SUGCT: variants seen among roughly 807,000 people sequenced by gnomAD.
SUGCT encodes the protein succinyl-CoA:glutarate CoA-transferase.
SUGCT carries 41 observed loss-of-function variants against 55.0 expected under a neutral mutation model. That is an observed-to-expected ratio of 0.74 (90% confidence interval 0.58 to 0.97). The LOEUF is 0.97. SUGCT is among the 50% of genes least tolerant of loss of function. The pLI, the probability that SUGCT is intolerant of heterozygous loss-of-function variation, is 0.00. For synonymous variants in SUGCT, 187 were observed against 200.4 expected, an observed-to-expected ratio of 0.93 and a Z score of 0.56; for missense variants, 568 against 547.8, an observed-to-expected ratio of 1.04 and a Z score of -0.37.
the SUGCT span, among the ~76,000 whole-genome samples, chr7:40,919,844 C>T: frequency 2.0e-5 from 3 of 152,174 alleles, no homozygotes; most frequent in African/African-American, 7.2e-5. Context: ...ACAGCCAGGC[C>T]TTTCACAGCC....
chr7:40,324,314 G>C (rs1020348899), intron 9 of SUGCT, among the ~76,000 whole-genome samples: 1 of 148,726 alleles, frequency 6.7e-6, no homozygotes, highest in African/African-American at 2.5e-5. Context: ...GGAGTGCAGT[G>C]GCGCAATCTC....
chr7:40,963,981 C>T, the SUGCT span, among the ~76,000 whole-genome samples: 1 of 152,158 alleles, frequency 6.6e-6, no homozygotes, highest in South Asian at 2.1e-4. Context: ...GTTTTTCCTT[C>T]ACATTAACCC....
At chr7:40,225,423 G>C (rs558736307) in intron 6 of SUGCT, among the ~76,000 whole-genome samples, 1 of 150,628 alleles carries the variant, frequency 6.6e-6, no homozygotes, top group South Asian at 2.1e-4. Context: ...TTTGGTCTTT[G>C]AATAATATAT....
intron 1 of SUGCT, among the ~76,000 whole-genome samples, chr7:40,154,430 C>T (rs1220274527): frequency 6.6e-6 from 1 of 152,050 alleles, no homozygotes. Context: ...TTTAAAGATG[C>T]CTAGTGAAAA....
At chr7:40,427,156 A>G (rs1787628655) in intron 9 of SUGCT, among the ~76,000 whole-genome samples, 1 of 152,150 alleles carries the variant, frequency 6.6e-6, no homozygotes, top group Non-Finnish European at 1.5e-5. Context: ...ATGTCCAGGA[A>G]TTTTGAGCAG....
At chr7:40,399,779 A>C (rs1324882450) in intron 9 of SUGCT, among the ~76,000 whole-genome samples, 1 of 152,154 alleles carries the variant, frequency 6.6e-6, no homozygotes, top group Non-Finnish European at 1.5e-5. Context: ...TACAATGCTG[A>C]ACAGAAAGGG....
intron 7 of SUGCT, among the ~76,000 whole-genome samples, chr7:40,258,382 A>T (rs944138678): frequency 4.0e-5 from 6 of 151,798 alleles, no homozygotes; most frequent in African/African-American, 1.5e-4. Context: ...TATGTTTTTA[A>T]TTTTTTTTCT....
chr7:40,491,073 A>G (rs966229179), intron 11 of SUGCT, among the ~76,000 whole-genome samples: 5 of 152,178 alleles, frequency 3.3e-5, no homozygotes, highest in African/African-American at 1.2e-4. Context: ...CCAAATCATC[A>G]TATATTCACT....
chr7:40,591,837 G>T (rs186926056), intron 12 of SUGCT, among the ~76,000 whole-genome samples: 6 of 152,268 alleles, frequency 3.9e-5, no homozygotes, highest in Admixed American at 1.3e-4. Flanking sequence ...GTATTTTTTA[G>T]ACGTAATGCT....
chr7:40,681,185 T>C (rs1202364985), intron 12 of SUGCT, among the ~76,000 whole-genome samples: 2 of 152,098 alleles, frequency 1.3e-5, no homozygotes, highest in Non-Finnish European at 2.9e-5. Flanking sequence ...TAGATAGTAG[T>C]GATTGGCAGC....
intron 8 of SUGCT, among the ~76,000 whole-genome samples, chr7:40,280,084 C>G (rs1792852177): frequency 6.6e-6 from 1 of 152,078 alleles, no homozygotes; most frequent in Non-Finnish European, 1.5e-5. Flanking sequence ...GTAAAAAAGA[C>G]AATTTACACC....
chr7:40,683,927 G>A, intron 12 of SUGCT: 2 of 1,343,704 alleles, frequency 1.5e-6, no homozygotes, highest in Non-Finnish European at 2.0e-6. Flanking sequence ...TCAAGGTGCT[G>A]GCAGATGTAT....
chr7:40,270,274 A>T (rs1188933505), intron 7 of SUGCT, among the ~76,000 whole-genome samples: 1 of 151,482 alleles, frequency 6.6e-6, no homozygotes, highest in East Asian at 1.9e-4. Context: ...AATTTCAATT[A>T]TGTCCAATTT....
At chr7:40,148,866 T>G (rs1298120730) in intron 1 of SUGCT, among the ~76,000 whole-genome samples, 9 of 152,162 alleles carry the variant, frequency 5.9e-5, no homozygotes, top group African/African-American at 2.2e-4. Context: ...GGTAAATAGT[T>G]CTCTTTAGAA....
chr7:40,977,051 A>G, the SUGCT span, among the ~76,000 whole-genome samples: 1 of 152,178 alleles, frequency 6.6e-6, no homozygotes. Context: ...CAACAGGCTG[A>G]TCCCTTTCAG....
At chr7:41,037,197 G>A in the SUGCT span, among the ~76,000 whole-genome samples, 1 of 152,126 alleles carries the variant, frequency 6.6e-6, no homozygotes, top group African/African-American at 2.4e-5. Flanking sequence ...TGCCAACCAA[G>A]GGCATTTGTC....
chr7:40,262,644 G>A (rs13235432), intron 7 of SUGCT, among the ~76,000 whole-genome samples: 60,074 of 151,420 alleles, frequency 0.4, 12,386 homozygotes, highest in East Asian at 0.5. Flanking sequence ...CAGCCTGGGC[G>A]ACAGAGCAAG....
the SUGCT span, among the ~76,000 whole-genome samples, chr7:41,000,963 A>T: frequency 1.3e-5 from 2 of 152,146 alleles, no homozygotes; most frequent in Non-Finnish European, 2.9e-5. Context: ...AAAAAACTGG[A>T]AAAGAAACAT....
At chr7:40,587,520 G>A (rs1000274625) in intron 12 of SUGCT, among the ~76,000 whole-genome samples, 1 of 152,188 alleles carries the variant, frequency 6.6e-6, no homozygotes, top group Non-Finnish European at 1.5e-5. Flanking sequence ...AAAGTGATGT[G>A]TGTGTGTACC....
Sources: gnomAD v4.1 joint callset for allele counts (sites outside exome capture counted in the v4.1 genomes callset) on GRCh38, gnomAD v4.1.1 for gene constraint, MANE v1.5 for transcripts, NCBI Gene and HGNC (gene_info 2026-07-23, HGNC 2026-07-21) for gene names.